The following TMEM71 variants were observed in gnomAD, a reference collection of about 807,000 sequenced individuals.
TMEM71 encodes the protein transmembrane protein 71.
In TMEM71, 44 loss-of-function variants were observed where a neutral mutation model predicts 38.0. That is an observed-to-expected ratio of 1.16 (90% CI 0.91 to 1.49). The LOEUF (loss-of-function observed/expected upper bound fraction) is 1.49, where lower values mean the gene tolerates loss of function less well. Ranked by LOEUF, TMEM71 falls within the 40% of genes most tolerant of loss-of-function variation. The pLI is 0.00. For synonymous variants in TMEM71, 133 were observed against 122.5 expected (o/e 1.09, Z -0.56); for missense variants, 367 against 348.6 (o/e 1.05, Z -0.42).
chr8:132,751,896 A>C lies in TMEM71; in HGVS notation c.203T>G (p.Leu68Arg), dbSNP rs1262476105. The stretch of plus-strand genomic sequence containing the variant: ...AGTCCAAATATAGTAGCCATTGGTG[A>C]GGAGTCTGGGACTTCGGCGACAGGT... ...HYTCRRSPRL[L>R]TNGYYIWTED... The change falls in exon 4 of 10, where the codon CTC (leucine) becomes CGC (arginine). Residue 68 changes from leucine (L) to arginine (R), a missense_variant. Physicochemically the swap from Leu to Arg is moderately radical, Grantham distance 102. Coordinates refer to ENST00000677595, the MANE Select transcript of TMEM71 (RefSeq NM_001382403.1). 6.2e-7 allele frequency: 1 copy of C among 1,614,072 alleles called. No homozygotes were observed. Among genetic ancestry groups the C allele is most frequent in the South Asian group, 1.1e-5 (1 of 91,082 alleles).
At chr8:132,722,241 A>G in intron 6 of TMEM71, 126 bp from the exon 7 acceptor site, 4 of 684,358 alleles carry the variant, frequency 5.8e-6, no homozygotes, top group Non-Finnish European at 1.0e-5. Context: ...AATGTATGTC[A>G]GTTCAAGCAA....
intron 3 of TMEM71, among the ~76,000 whole-genome samples, chr8:132,756,429 AT>A (rs1287237807): frequency 6.9e-6 from 1 of 144,552 alleles, no homozygotes. Context: ...ATATATATAT[AT>A]ATATATATAT....
upstream of TMEM71, among the ~76,000 whole-genome samples, chr8:132,762,436 A>G (rs1245093197): frequency 6.6e-6 from 1 of 151,114 alleles, no homozygotes; most frequent in Non-Finnish European, 1.5e-5. Context: ...GTGCCCACAA[A>G]TCCACTTTTC....
downstream of TMEM71, among the ~76,000 whole-genome samples, chr8:132,706,597 C>T (rs1826098106): frequency 1.3e-5 from 2 of 151,614 alleles, 1 homozygote; most frequent in South Asian, 4.2e-4. Flanking sequence ...AACATGGTTC[C>T]TTCATATATA....
intron 5 of TMEM71, among the ~76,000 whole-genome samples, chr8:132,731,926 C>T (rs1173390262): frequency 1.3e-5 from 2 of 152,118 alleles, no homozygotes; most frequent in East Asian, 3.9e-4. Context: ...GAAGCAGCCC[C>T]CAGGTGACAT....
intron 7 of TMEM71, among the ~76,000 whole-genome samples, chr8:132,721,280 T>A (rs1826827223): frequency 6.6e-6 from 1 of 152,038 alleles, no homozygotes; most frequent in Non-Finnish European, 1.5e-5. Context: ...GGTCAGAGGG[T>A]AGAGAACAAA....
At chr8:132,741,576 G>A (rs1208899910) in intron 5 of TMEM71, among the ~76,000 whole-genome samples, 1 of 136,970 alleles carries the variant, frequency 7.3e-6, no homozygotes, top group Non-Finnish European at 1.7e-5. Context: ...ACTGGACAGG[G>A]GGCCCTTCCT....
At chr8:132,746,356 T>TAC (rs10672503) in intron 5 of TMEM71, among the ~76,000 whole-genome samples, 141 of 45,484 alleles carry the variant, frequency 3.1e-3, no homozygotes, top group South Asian at 5.4e-3. Flanking sequence ...TACACACAAA[T>TAC]ATACACACAC....
Position 132,710,687 on chromosome 8 carries a change from T to C in TMEM71, c.*280A>G, listed in dbSNP as rs1826189163. 1.8e-6 allele frequency: 1 copy of C among 546,722 alleles called. No individual in the cohort carries two copies. 33.9% of individuals were successfully genotyped at this position (546,722 alleles called of 1,614,324 possible). A position where few individuals can be genotyped will look rare whatever the true frequency, so the allele number is the denominator to read the frequency against. ...TAAAGAATCATAGGGGGACATTTAT[T>C]CCAGGCGGTCTCTTTTCCATCACAT... is the stretch of plus-strand genomic sequence containing the variant. On this transcript the variant is annotated 3_prime_UTR_variant, in exon 10 of 10. Transcript: ENST00000677595.
At chr8:132,775,758 C>T in the TMEM71 span, 4 of 261,714 alleles carry the variant, frequency 1.5e-5, no homozygotes, top group Non-Finnish European at 2.9e-5. Flanking sequence ...GCCTCCCTCC[C>T]CGTAACTCGC....
At chr8:132,732,842 A>G (rs928607344) in intron 5 of TMEM71, among the ~76,000 whole-genome samples, 1 of 152,202 alleles carries the variant, frequency 6.6e-6, no homozygotes, top group Non-Finnish European at 1.5e-5. Context: ...AACAGAGGCC[A>G]GGGATGCTAT....
At chr8:132,737,998 A>G (rs1229162007) in intron 5 of TMEM71, among the ~76,000 whole-genome samples, 2 of 152,092 alleles carry the variant, frequency 1.3e-5, no homozygotes, top group East Asian at 3.9e-4. Flanking sequence ...AATACAATTC[A>G]TTGTCTGTTT....
intron 5 of TMEM71, among the ~76,000 whole-genome samples, chr8:132,734,513 C>T (rs1827638563): frequency 6.6e-6 from 1 of 152,102 alleles, no homozygotes; most frequent in Non-Finnish European, 1.5e-5. Flanking sequence ...TTTCCCAGGG[C>T]TGCCCAGTTG....
chr8:132,738,638 C>T (rs781296191), intron 5 of TMEM71, among the ~76,000 whole-genome samples: 2 of 152,130 alleles, frequency 1.3e-5, no homozygotes, highest in Non-Finnish European at 2.9e-5. Context: ...ACCCCAAATC[C>T]TCAATATGGC....
intron 2 of TMEM71, 145 bp downstream of exon 2, chr8:132,758,695 C>A: frequency 1.5e-6 from 1 of 656,030 alleles, no homozygotes; most frequent in Non-Finnish European, 2.7e-6. Flanking sequence ...AAATCATTGC[C>A]AAAGTGAACA....
At chr8:132,751,677 A>T in intron 4 of TMEM71, 108 bp downstream of exon 4, 1 of 1,051,284 alleles carries the variant, frequency 9.5e-7, no homozygotes, top group South Asian at 1.3e-5. Flanking sequence ...CACAGTCTGG[A>T]GCAATAATGG....
intron 7 of TMEM71, among the ~76,000 whole-genome samples, chr8:132,721,494 C>T (rs7820611): frequency 0.41 from 61,855 of 151,252 alleles, 13,970 homozygotes; most frequent in African/African-American, 0.61. Flanking sequence ...CAATTTTAAG[C>T]AACGTACACT....
chr8:132,716,604 G>A (rs1421866317), intron 7 of TMEM71, among the ~76,000 whole-genome samples: 1 of 152,124 alleles, frequency 6.6e-6, no homozygotes, highest in Non-Finnish European at 1.5e-5. Context: ...ATATACATAC[G>A]GTATATGCAA....
intron 7 of TMEM71, among the ~76,000 whole-genome samples, chr8:132,721,429 T>C (rs1003159297): frequency 3.3e-5 from 5 of 152,184 alleles, no homozygotes; most frequent in Admixed American, 3.3e-4. Context: ...ACTTAGAGTA[T>C]ATCTGTTAAC....
Sources: allele counts gnomAD v4.1 joint callset (sites outside exome capture counted in the v4.1 genomes callset), GRCh38; gene constraint gnomAD v4.1.1; transcripts MANE v1.5; gene names NCBI Gene and HGNC (gene_info 2026-07-23, HGNC 2026-07-21).